The following NRG1 variants were observed in gnomAD, a reference collection of about 807,000 sequenced individuals.
The protein encoded by NRG1 is pro-neuregulin-1, membrane-bound isoform.
In NRG1, 18 loss-of-function variants were observed where a neutral mutation model predicts 63.8. That is an observed-to-expected ratio of 0.28 (90% confidence interval 0.19 to 0.42). The LOEUF is 0.42. NRG1 is among the 10% of genes least tolerant of loss of function. NRG1 has a pLI of 1.00. For synonymous variants in NRG1, 302 were observed against 301.3 expected (o/e 1.00, Z -0.02); for missense variants, 762 against 814.7 (o/e 0.94, Z 0.79).
chr8:31,828,698 T>A (rs1279332907), intron 1 of NRG1, among the ~76,000 whole-genome samples: 3 of 152,176 alleles, frequency 2.0e-5, no homozygotes, highest in Admixed American at 1.3e-4. Context: ...TATATACCCA[T>A]GATATTTTCA....
At chr8:32,423,755 C>T (rs540900224) in intron 1 of NRG1, among the ~76,000 whole-genome samples, 1 of 152,274 alleles carries the variant, frequency 6.6e-6, no homozygotes, top group Non-Finnish European at 1.5e-5. Flanking sequence ...ACACACCATA[C>T]ACTTATTCCT....
At chr8:31,884,960 A>G (rs1057013681) in intron 1 of NRG1, among the ~76,000 whole-genome samples, 5 of 152,146 alleles carry the variant, frequency 3.3e-5, no homozygotes, top group Non-Finnish European at 7.4e-5. Context: ...CTTTGTAAAA[A>G]TGCACATCAG....
chr8:31,869,600 T>C (rs554911572), intron 1 of NRG1, among the ~76,000 whole-genome samples: 5 of 152,336 alleles, frequency 3.3e-5, no homozygotes, highest in Admixed American at 6.5e-5. Context: ...CCCATTAAGC[T>C]CTTGCCTCGT....
intron 5 of NRG1, among the ~76,000 whole-genome samples, chr8:32,691,158 G>A (rs1365110359): frequency 1.3e-5 from 2 of 152,026 alleles, no homozygotes; most frequent in South Asian, 2.1e-4. Context: ...TCAGGAGTTC[G>A]AGACCAGCCT....
intron 6 of NRG1, among the ~76,000 whole-genome samples, chr8:32,732,717 A>G (rs1346881494): frequency 1.3e-5 from 2 of 152,064 alleles, no homozygotes; most frequent in African/African-American, 4.8e-5. Flanking sequence ...ATAAAAAGTA[A>G]ATGGTAGTAT....
intron 2 of NRG1, among the ~76,000 whole-genome samples, chr8:32,601,171 A>G (rs1844288101): frequency 6.6e-6 from 1 of 152,182 alleles, no homozygotes; most frequent in Admixed American, 6.5e-5. Context: ...TGGTTTTCCA[A>G]TGATGTCTCT....
chr8:31,931,584 G>A (rs556676543), intron 1 of NRG1, among the ~76,000 whole-genome samples: 6 of 152,212 alleles, frequency 3.9e-5, no homozygotes, highest in East Asian at 1.9e-4. Context: ...TGTCTAGAAC[G>A]TATTATGTAC....
chr8:32,253,652 CT>C (rs1563234928), intron 1 of NRG1, among the ~76,000 whole-genome samples: 1 of 152,078 alleles, frequency 6.6e-6, no homozygotes, highest in African/African-American at 2.4e-5. Flanking sequence ...CTGGCATTTT[CT>C]TTTTTTGTTT....
chr8:31,708,992 G>A (rs1416356166), intron 1 of NRG1, among the ~76,000 whole-genome samples: 2 of 152,114 alleles, frequency 1.3e-5, no homozygotes, highest in Non-Finnish European at 2.9e-5. Flanking sequence ...CATATTTCAT[G>A]TATTCATGAC....
chr8:31,641,188 G>A (rs1383410610), intron 1 of NRG1, among the ~76,000 whole-genome samples: 1 of 152,190 alleles, frequency 6.6e-6, no homozygotes, highest in East Asian at 1.9e-4. Context: ...TGTCTGTGAA[G>A]TCTCTGCAAG....
At chr8:31,778,482 G>A (rs1819370039) in intron 1 of NRG1, among the ~76,000 whole-genome samples, 1 of 152,170 alleles carries the variant, frequency 6.6e-6, no homozygotes, top group Admixed American at 6.5e-5. Context: ...AGAACAGGGA[G>A]GGGAATTGTT....
chr8:32,463,874 C>CTTTTTTTTTTTTTTTTTT lies in NRG1; in HGVS notation c.38-131932_38-131915dup, dbSNP rs756489856. 5.0e-4 allele frequency among the ~76,000 whole-genome samples: 21 copies of CTTTTTTTTTTTTTTTTTT among 42,350 alleles called. 4 individuals are homozygous for CTTTTTTTTTTTTTTTTTT. In the East Asian group the frequency reaches 7.1e-3, roughly 14 times the overall value. 27.8% of individuals were successfully genotyped at this position (42,350 alleles called of 152,430 possible). ...ACACACACGAAAAAAACTTAGAATT[C>CTTTTTTTTTTTTTTTTTT]TTTTTTTTTTTTTTTTTTTTTTTTT... is the stretch of plus-strand genomic sequence containing the variant. On this transcript the variant is annotated intron_variant, in intron 1 of 10. Transcript: ENST00000519301.
At chr8:31,685,822 T>G (rs566187712) in intron 1 of NRG1, among the ~76,000 whole-genome samples, 1 of 152,144 alleles carries the variant, frequency 6.6e-6, no homozygotes, top group Non-Finnish European at 1.5e-5. Flanking sequence ...CATGTTGTAG[T>G]GTGTGTGTGT....
At chr8:32,353,035 TA>T (rs1207248709) in intron 1 of NRG1, among the ~76,000 whole-genome samples, 2 of 150,442 alleles carry the variant, frequency 1.3e-5, no homozygotes, top group African/African-American at 2.4e-5. Flanking sequence ...ATTCTGATTT[TA>T]AAAAAAGAAT....
At chr8:32,508,431 C>T (rs1196683540) in intron 1 of NRG1, among the ~76,000 whole-genome samples, 1 of 151,002 alleles carries the variant, frequency 6.6e-6, no homozygotes, top group Non-Finnish European at 1.5e-5. Context: ...GCTGGGATTA[C>T]AGGTACCTGC....
intron 1 of NRG1, among the ~76,000 whole-genome samples, chr8:32,568,894 C>A: frequency 6.8e-6 from 1 of 146,590 alleles, no homozygotes; most frequent in African/African-American, 2.5e-5. Flanking sequence ...AACAAACAAA[C>A]AAAGATTATA....
chr8:32,007,686 A>G (rs1814002665), intron 1 of NRG1, among the ~76,000 whole-genome samples: 2 of 152,158 alleles, frequency 1.3e-5, no homozygotes, highest in Non-Finnish European at 2.9e-5. Context: ...AGCTATGTCA[A>G]TATGTCAATT....
At chr8:32,276,421 C>G (rs986988380) in intron 1 of NRG1, among the ~76,000 whole-genome samples, 5 of 152,096 alleles carry the variant, frequency 3.3e-5, no homozygotes, top group African/African-American at 1.2e-4. Flanking sequence ...TGGATATGTA[C>G]CACATTTTCT....
intron 1 of NRG1, among the ~76,000 whole-genome samples, chr8:31,845,606 GT>G (rs557761095): frequency 1.3e-5 from 2 of 150,482 alleles, no homozygotes; most frequent in Non-Finnish European, 3.0e-5. Flanking sequence ...GGAGACTGGC[GT>G]TTTTTTTTAC....
Sources: gnomAD v4.1 joint callset for allele counts (sites outside exome capture counted in the v4.1 genomes callset) on GRCh38, gnomAD v4.1.1 for gene constraint, MANE v1.5 for transcripts, NCBI Gene and HGNC (gene_info 2026-07-23, HGNC 2026-07-21) for gene names.